UGT1A8: variants seen among roughly 807,000 people sequenced by gnomAD.
UGT1A8 encodes UDP-glucuronosyltransferase 1A8.
UGT1A8 carries 39 observed loss-of-function variants against 45.3 expected under a neutral mutation model. The observed-to-expected ratio is 0.86, with a 90% CI of 0.67 to 1.12. UGT1A8 has a LOEUF of 1.12. Among genes scored for constraint, UGT1A8 ranks in the 50% most tolerant of loss-of-function variants. UGT1A8 has a pLI of 0.00. For synonymous variants in UGT1A8, 275 were observed against 249.2 expected, an observed-to-expected ratio of 1.10 and a Z score of -0.97; for missense variants, 719 against 664.9, an observed-to-expected ratio of 1.08 and a Z score of -0.90.
Position 233,700,676 on chromosome 2 carries a change from G to A in UGT1A8, c.856-66358G>A, listed in dbSNP as rs559449126. On this transcript the variant is annotated intron_variant, in intron 1 of 4. Transcript: ENST00000373450. ...TATTTCTACTTTTCAGCACAAATTC[G>A]TGATAATATATAAACTACACTTTGA... is the stretch of plus-strand genomic sequence containing the variant. Among the ~76,000 whole-genome samples the A allele has an allele frequency of 6.6e-5, 10 of 151,838 alleles. 1 individual carries two copies. In the South Asian group the frequency reaches 1.7e-3, roughly 25 times the overall value.
chr2:233,724,298 C>A (rs1308100434), intron 1 of UGT1A8, among the ~76,000 whole-genome samples: 9 of 143,244 alleles, frequency 6.3e-5, no homozygotes, highest in South Asian at 2.4e-4. Context: ...CTGACCCCCC[C>A]ACCTCCCTCC....
Position 233,648,054 on chromosome 2 carries a change from A to G in UGT1A8, c.855+29492A>G. 3 of 1,579,272 alleles carry G rather than the reference A, an allele frequency of 1.9e-6. No individual in the cohort carries two copies. In the Admixed American group the frequency reaches 5.3e-5, roughly 28 times the overall value. The stretch of plus-strand genomic sequence containing the variant: ...AACTGGGAAGATCACTGAATTGCAC[A>G]GTGAAGACTTCTTCAACCTTATACA... On this transcript the variant is annotated intron_variant, in intron 1 of 4. Coordinates refer to ENST00000373450, the MANE Select transcript of UGT1A8 (RefSeq NM_019076.5).
intron 1 of UGT1A8, chr2:233,672,531 T>C (rs756293491): frequency 6.2e-6 from 10 of 1,613,970 alleles, no homozygotes; most frequent in Middle Eastern, 1.7e-4. Flanking sequence ...GGTTCTCAGA[T>C]GCCATGACTT....
chr2:233,643,491 G>A (rs1232769796), intron 1 of UGT1A8, among the ~76,000 whole-genome samples: 2 of 152,194 alleles, frequency 1.3e-5, no homozygotes, highest in Non-Finnish European at 2.9e-5. Flanking sequence ...AATGCTGTCC[G>A]AGTCAAGTCC....
At chr2:233,693,141 T>C in intron 1 of UGT1A8, 1 of 1,614,174 alleles carries the variant, frequency 6.2e-7, no homozygotes, top group Non-Finnish European at 8.5e-7. Context: ...AAGGATATAG[T>C]TGAGGTTCTC....
chr2:233,773,246 T>C lies in UGT1A8; in HGVS notation c.*687T>C, dbSNP rs1484380021. 6.6e-6 allele frequency: 1 copy of C among 152,366 alleles called. No homozygotes were observed. The highest frequency in any genetic ancestry group is 6.5e-5 in the Admixed American group (1 of 15,284). The allele number at this position is 152,366 out of a possible 1,614,324, so 9.4% of individuals were successfully genotyped here. The stretch of plus-strand genomic sequence containing the variant: ...TATGAAGTGCTGGGCAAGTTTACTT[T>C]TTTTCTGATGTTTCCTACAACTAAA... On this transcript the variant is annotated 3_prime_UTR_variant, in exon 5 of 5. Coordinates refer to ENST00000373450, the MANE Select transcript of UGT1A8 (RefSeq NM_019076.5).
chr2:233,723,542 A>ATTTTTTTTTTTTTT (rs2077098328), intron 1 of UGT1A8, among the ~76,000 whole-genome samples: 1 of 74,520 alleles, frequency 1.3e-5, no homozygotes. Flanking sequence ...TTTTTAATTT[A>ATTTTTTTTTTTTTT]TTTTTTTATT....
At chr2:233,637,160 A>C (rs767149518) in intron 1 of UGT1A8, 2 of 1,613,974 alleles carry the variant, frequency 1.2e-6, no homozygotes, top group Admixed American at 1.7e-5. Flanking sequence ...CACATCGTGC[A>C]CTTGGAGGAC....
At chr2:233,770,522 G>A (rs1294728713) in intron 4 of UGT1A8, 1 of 152,120 alleles carries the variant, frequency 6.6e-6, no homozygotes. Context: ...CCCAGGCATG[G>A]TGGTGTATGC....
chr2:233,757,535 AAT>A (rs67292694), intron 1 of UGT1A8, among the ~76,000 whole-genome samples: 3,097 of 88,180 alleles, frequency 0.035, 322 homozygotes, highest in African/African-American at 0.14. Context: ...GCCTGTAAGG[AAT>A]ATATATATAT....
chr2:233,663,852 C>A (rs2074022835), intron 1 of UGT1A8, among the ~76,000 whole-genome samples: 2 of 152,160 alleles, frequency 1.3e-5, no homozygotes, highest in Admixed American at 1.3e-4. Flanking sequence ...GTTTCATTTG[C>A]AACCACCATT....
At chr2:233,766,573 T>A (rs1699187468) in intron 1 of UGT1A8, among the ~76,000 whole-genome samples, 1 of 152,150 alleles carries the variant, frequency 6.6e-6, no homozygotes, top group Non-Finnish European at 1.5e-5. Context: ...TGGGCACAGG[T>A]CTGGGGGTGG....
At chr2:233,660,397 G>A (rs1185535739) in intron 1 of UGT1A8, among the ~76,000 whole-genome samples, 1 of 152,156 alleles carries the variant, frequency 6.6e-6, no homozygotes, top group Non-Finnish European at 1.5e-5. Context: ...TGAATTCATG[G>A]GGTTCTGGAT....
At chr2:233,729,139 C>G (rs527426104) in intron 1 of UGT1A8, 1 of 1,613,374 alleles carries the variant, frequency 6.2e-7, no homozygotes, top group Admixed American at 1.7e-5. Context: ...GGCCACAGGA[C>G]TCCAGGTTCC....
rs1699600557 is a variant in UGT1A8 at position 233,768,315 on chromosome 2, T to C, written c.1171T>C (p.Phe391Leu). The change falls in exon 4 of 5, where the codon TTT becomes CTT. Residue 391 changes from phenylalanine (F) to leucine (L), a missense_variant. Physicochemically the swap from Phe to Leu is conservative, Grantham distance 22. Coordinates refer to ENST00000373450, the MANE Select transcript of UGT1A8 (RefSeq NM_019076.5). ...CGTTCCCATGGTGATGATGCCCTTG[T>C]TTGGTGATCAGATGGACAATGCAAA... ...NGVPMVMMPLFGDQMDNAKRM... is the reference protein window; with the variant it reads ...NGVPMVMMPLLGDQMDNAKRM... 3 of 1,614,138 alleles carry C rather than the reference T, an allele frequency of 1.9e-6. No individual in the cohort carries two copies. Among genetic ancestry groups the C allele is most frequent in the South Asian group, 2.2e-5 (2 of 91,078 alleles).
intron 1 of UGT1A8, among the ~76,000 whole-genome samples, chr2:233,684,010 T>C (rs1275179679): frequency 6.6e-6 from 1 of 152,204 alleles, no homozygotes; most frequent in Admixed American, 6.5e-5. Flanking sequence ...AAGAGTAAGA[T>C]TCTTGGCAAA....
chr2:233,688,139 G>T (rs1441880155), intron 1 of UGT1A8, among the ~76,000 whole-genome samples: 2 of 152,074 alleles, frequency 1.3e-5, no homozygotes, highest in Non-Finnish European at 2.9e-5. Flanking sequence ...CTTTCTGTCT[G>T]TATGGATTTG....
intron 1 of UGT1A8, among the ~76,000 whole-genome samples, chr2:233,631,788 G>A (rs1017150850): frequency 2.6e-5 from 4 of 152,022 alleles, no homozygotes; most frequent in African/African-American, 4.8e-5. Context: ...TAAGTTGCCT[G>A]TTCAGTCTGA....
intron 1 of UGT1A8, among the ~76,000 whole-genome samples, chr2:233,696,713 G>A (rs532050376): frequency 6.6e-6 from 1 of 152,234 alleles, no homozygotes; most frequent in East Asian, 1.9e-4. Flanking sequence ...AGATTTTAGA[G>A]GAACAGTTTT....
Sources: gnomAD v4.1 joint callset for allele counts (sites outside exome capture counted in the v4.1 genomes callset) on GRCh38, gnomAD v4.1.1 for gene constraint, MANE v1.5 for transcripts, NCBI Gene and HGNC (gene_info 2026-07-23, HGNC 2026-07-21) for gene names.